OTOGL: variants seen among roughly 807,000 people sequenced by gnomAD.
The protein encoded by OTOGL is otogelin like, also known as otogelin-like protein.
A neutral mutation model predicts 318.5 loss-of-function variants in OTOGL; 285 were observed. That is an observed-to-expected ratio of 0.89 (90% CI 0.81 to 0.99). The LOEUF (loss-of-function observed/expected upper bound fraction) is 0.99, where lower values mean the gene tolerates loss of function less well. OTOGL is among the 50% of genes least tolerant of loss of function. The pLI, the probability that OTOGL is intolerant of heterozygous loss-of-function variation, is 0.00. For synonymous variants in OTOGL, 987 were observed against 936.5 expected (o/e 1.05, Z -0.99); for missense variants, 2,899 against 2,845.6 (o/e 1.02, Z -0.43).
At chr12:80,238,603 A>G (rs1053820287) in intron 9 of OTOGL, among the ~76,000 whole-genome samples, 5 of 152,064 alleles carry the variant, frequency 3.3e-5, no homozygotes, top group South Asian at 2.1e-4. Flanking sequence ...ATCCTTCCCC[A>G]TGTTGTTTGA....
chr12:80,188,989 C>T (rs1875493019), intron 1 of OTOGL, among the ~76,000 whole-genome samples: 1 of 152,200 alleles, frequency 6.6e-6, no homozygotes, highest in Admixed American at 6.5e-5. Flanking sequence ...ATCTTCATTA[C>T]TTCTCAGATG....
chr12:80,215,498 C>T (rs1877634279), intron 4 of OTOGL, among the ~76,000 whole-genome samples: 1 of 152,082 alleles, frequency 6.6e-6, no homozygotes, highest in African/African-American at 2.4e-5. Flanking sequence ...ATGTGCCTGG[C>T]ACTATTCTTG....
chr12:80,142,481 C>G (rs1391252038), intron 1 of OTOGL, among the ~76,000 whole-genome samples: 1 of 152,128 alleles, frequency 6.6e-6, no homozygotes, highest in Non-Finnish European at 1.5e-5. Flanking sequence ...AAGATATAAA[C>G]TCCTCCCCAT....
chr12:80,210,792 G>A (rs1450675852), intron 2 of OTOGL, 55 bp from the exon 3 acceptor site: 1 of 1,174,376 alleles, frequency 8.5e-7, no homozygotes, highest in Non-Finnish European at 1.2e-6. Context: ...ACTGGAACAT[G>A]TAGCCAATAT....
At chr12:80,126,688 G>T (rs1870862656) in intron 1 of OTOGL, among the ~76,000 whole-genome samples, 1 of 152,104 alleles carries the variant, frequency 6.6e-6, no homozygotes, top group Admixed American at 6.5e-5. Flanking sequence ...CCTCTTTGTA[G>T]GTCTCTAAGG....
chr12:80,334,060 T>G (rs10862092), intron 38 of OTOGL, among the ~76,000 whole-genome samples: 1 of 152,048 alleles, frequency 6.6e-6, no homozygotes, highest in Admixed American at 6.6e-5. Context: ...CTGAGTAGCT[T>G]CAAGATCATT....
chr12:80,298,291 G>T (rs1373408300), intron 27 of OTOGL, among the ~76,000 whole-genome samples: 3 of 152,096 alleles, frequency 2.0e-5, no homozygotes, highest in East Asian at 3.9e-4. Context: ...GAAACCTGGG[G>T]TGCTTAGGGT....
chr12:80,302,681 GA>G lies in OTOGL; in HGVS notation c.3113del (p.Lys1038ArgfsTer6). The G allele has an allele frequency of 7.0e-7, 1 of 1,424,330 alleles. No homozygotes were observed. The highest frequency in any genetic ancestry group is 9.2e-7 in the Non-Finnish European group (1 of 1,086,688). The allele number at this position is 1,424,330 out of a possible 1,614,324, so 88.2% of individuals were successfully genotyped here. On this transcript the variant is annotated frameshift_variant, in exon 28 of 59. Coordinates refer to ENST00000547103, the MANE Select transcript of OTOGL (RefSeq NM_001378609.3). LOFTEE classifies it high-confidence loss of function. ...AAAACAAATCTACCTACCAGCTTTGGAAGGCTGGTTACTATATAGTAGTATA... is the reference window on the plus strand; with the variant it reads ...AAAACAAATCTACCTACCAGCTTTGGAGGCTGGTTACTATATAGTAGTATA... ...LENKSTYQLW[K>X]AGYYIVVYFP... is the part of the protein sequence containing the mutation.
At chr12:80,278,661 G>A (rs560741108) in intron 25 of OTOGL, among the ~76,000 whole-genome samples, 1 of 151,488 alleles carries the variant, frequency 6.6e-6, no homozygotes, top group Non-Finnish European at 1.5e-5. Context: ...TATGGACAAA[G>A]ATTCTAAACT....
At chr12:80,176,648 T>A (rs1874548908) in intron 1 of OTOGL, among the ~76,000 whole-genome samples, 1 of 152,174 alleles carries the variant, frequency 6.6e-6, no homozygotes, top group Admixed American at 6.6e-5. Flanking sequence ...GTCACATATT[T>A]GGACATTTGG....
At chr12:80,103,357 TCG>T in intron 1 of OTOGL, 1 of 1,178,334 alleles carries the variant, frequency 8.5e-7, no homozygotes, top group Non-Finnish European at 1.3e-6. Flanking sequence ...GCTTCGGTGA[TCG>T]ATCTTCTTTT....
At chr12:80,284,690 T>G (rs1884482939) in intron 26 of OTOGL, among the ~76,000 whole-genome samples, 1 of 152,148 alleles carries the variant, frequency 6.6e-6, no homozygotes, top group South Asian at 2.1e-4. Context: ...TTGAGAAGTG[T>G]CTGTTCATAT....
At chr12:80,230,887 T>A (rs938230029) in intron 8 of OTOGL, among the ~76,000 whole-genome samples, 1 of 152,342 alleles carries the variant, frequency 6.6e-6, no homozygotes, top group Admixed American at 6.5e-5. Context: ...TACATTTTAA[T>A]GTTTCCTGCC....
chr12:80,251,790 C>A lies in OTOGL; in HGVS notation c.1150C>A (p.Pro384Thr). Residue 384 changes from proline to threonine, a missense_variant, in exon 12 of 59, where the codon CCA (proline) becomes ACA (threonine). This residue lies in a region of OTOGL where 2,607 missense variants were observed against 2,524.9 expected (regional missense o/e 1.03). Transcript: ENST00000547103. ...YPIQDWRDDFPACTDKCDDSF... is the reference protein window; with the variant it reads ...YPIQDWRDDFTACTDKCDDSF... ...TATTCAAGACTGGAGAGATGACTTTCCAGCATGCAGTATGTTTTTTTATTT... is the reference window on the plus strand; with the variant it reads ...TATTCAAGACTGGAGAGATGACTTTACAGCATGCAGTATGTTTTTTTATTT... 6.4e-7 allele frequency: 1 copy of A among 1,573,914 alleles called. No individual in the cohort carries two copies. Among genetic ancestry groups the A allele is most frequent in the Non-Finnish European group, 8.6e-7 (1 of 1,157,940 alleles).
intron 23 of OTOGL, among the ~76,000 whole-genome samples, chr12:80,270,375 G>A (rs556484601): frequency 2.0e-5 from 3 of 152,190 alleles, no homozygotes; most frequent in South Asian, 2.1e-4. Flanking sequence ...GCTCAGGGGC[G>A]GAGCAGGTCA....
chr12:80,174,968 A>G (rs1874437070), intron 1 of OTOGL, among the ~76,000 whole-genome samples: 1 of 152,156 alleles, frequency 6.6e-6, no homozygotes, highest in Non-Finnish European at 1.5e-5. Context: ...TACCTGGGAA[A>G]GTTTTTAAAA....
chr12:80,327,097 A>G (rs930536058), intron 35 of OTOGL, among the ~76,000 whole-genome samples: 5 of 152,226 alleles, frequency 3.3e-5, no homozygotes, highest in African/African-American at 1.2e-4. Flanking sequence ...GTATGTAGTA[A>G]TATAATAATT....
intron 1 of OTOGL, among the ~76,000 whole-genome samples, chr12:80,147,289 T>A (rs1005469189): frequency 3.2e-4 from 47 of 146,680 alleles, no homozygotes; most frequent in South Asian, 9.0e-4. Context: ...AACATCTTTA[T>A]TTCTGCCTTC....
Position 80,180,968 on chromosome 12 carries a change from A to C in OTOGL, c.-19-28445A>C, listed in dbSNP as rs551858698. 2.0e-5 allele frequency among the ~76,000 whole-genome samples: 3 copies of C among 152,270 alleles called. No homozygotes were observed. In the East Asian group the frequency reaches 5.8e-4, roughly 29 times the overall value. On this transcript the variant is annotated intron_variant, in intron 1 of 58. Transcript: ENST00000547103. ...TAACTATGGGGAATTTAGACAAGGCAGTAGTTCTGGTGGTTAAGGTGAGGC... is the reference window on the plus strand; with the variant it reads ...TAACTATGGGGAATTTAGACAAGGCCGTAGTTCTGGTGGTTAAGGTGAGGC...
Sources: allele counts gnomAD v4.1 joint callset (sites outside exome capture counted in the v4.1 genomes callset), GRCh38; gene constraint gnomAD v4.1.1; regional missense constraint gnomAD v4.1.1; transcripts MANE v1.5; gene names NCBI Gene and HGNC (gene_info 2026-07-23, HGNC 2026-07-21).